The following NAV2 variants were observed in gnomAD, a reference collection of about 807,000 sequenced individuals.
The protein encoded by NAV2 is neuron navigator 2, also known as helicase, APC down-regulated 1.
In NAV2, 54 loss-of-function variants were observed where a neutral mutation model predicts 223.2. That is an observed-to-expected ratio of 0.24 (90% CI 0.19 to 0.30). The LOEUF is 0.30. NAV2 is among the 10% of genes least tolerant of loss of function. The probability of loss-of-function intolerance (pLI) is 1.00; values close to 1 mark genes in which losing one functional copy is unlikely to be tolerated. For synonymous variants in NAV2, 1,279 were observed against 1,239.3 expected, an observed-to-expected ratio of 1.03 and a Z score of -0.67; for missense variants, 2,806 against 3,147.5, an observed-to-expected ratio of 0.89 and a Z score of 2.60.
intron 3 of NAV2, among the ~76,000 whole-genome samples, chr11:19,849,945 G>A (rs557546537): frequency 1.3e-5 from 2 of 152,190 alleles, no homozygotes; most frequent in East Asian, 3.9e-4. Context: ...AACTGTCATT[G>A]CCTTCCCATT....
intron 1 of NAV2, among the ~76,000 whole-genome samples, chr11:19,418,991 G>A (rs1039762226): frequency 6.6e-6 from 1 of 152,106 alleles, no homozygotes; most frequent in Non-Finnish European, 1.5e-5. Flanking sequence ...GAGGAGGCAA[G>A]GATAACAGTA....
chr11:19,617,441 G>C (rs988707725), intron 1 of NAV2, among the ~76,000 whole-genome samples: 7 of 152,128 alleles, frequency 4.6e-5, no homozygotes, highest in Admixed American at 2.6e-4. Flanking sequence ...GTAATGGGGG[G>C]ATAACAGGCT....
At chr11:19,345,242 G>C in the NAV2 span, among the ~76,000 whole-genome samples, 1 of 152,238 alleles carries the variant, frequency 6.6e-6, no homozygotes, top group African/African-American at 2.4e-5. This position sits in a 1 kb window ranked among gnomAD's most constrained non-coding sequence, Gnocchi z 5.2. Context: ...CCGCGGCTGA[G>C]AAGCGCGGGC....
intron 1 of NAV2, among the ~76,000 whole-genome samples, chr11:19,524,406 C>T (rs756314374): frequency 7.2e-5 from 11 of 152,198 alleles, no homozygotes; most frequent in East Asian, 1.9e-4. Flanking sequence ...TCTGCATGTG[C>T]GTTTCGTGCC....
At chr11:19,625,035 C>A (rs1047202396) in intron 1 of NAV2, among the ~76,000 whole-genome samples, 8 of 152,192 alleles carry the variant, frequency 5.3e-5, no homozygotes, top group Admixed American at 2.0e-4. Flanking sequence ...GCATATTCAT[C>A]ATCTCAAACA....
chr11:19,614,424 A>T (rs934694864), intron 1 of NAV2, among the ~76,000 whole-genome samples: 3 of 151,998 alleles, frequency 2.0e-5, no homozygotes, highest in Non-Finnish European at 4.4e-5. Flanking sequence ...TTAATTAATA[A>T]ATTTTATTGT....
At position 19,934,058 on chromosome 11, in the gene NAV2, T is replaced by C. The variant is rs376520794; in HGVS notation, c.1814T>C (p.Leu605Pro). 1 of 1,605,886 alleles carries C rather than the reference T, an allele frequency of 6.2e-7. No homozygotes were observed. ...GGACTCCCCCAGCAGAAGCCCCAGC[T>C]GGACGGCAGACACTCCAGTTCCTCT... ...SSGLPQQKPQ[L>P]DGRHSSSSSS... Residue 605 changes from leucine (L) to proline (P), a missense_variant, in exon 7 of 38, where the codon CTG becomes CCG. By Grantham distance (98) the Leu-to-Pro change is moderately conservative. Around this residue, in one of 4 missense-constraint regions of NAV2, gnomAD observed 1,167 missense variants for 1,180.5 expected, o/e 0.99. Coordinates refer to ENST00000349880, the MANE Select transcript of NAV2 (RefSeq NM_145117.5).
intron 1 of NAV2, among the ~76,000 whole-genome samples, chr11:19,629,231 C>G (rs1291020169): frequency 6.6e-6 from 1 of 152,066 alleles, no homozygotes; most frequent in South Asian, 2.1e-4. Context: ...ACCCATCAAG[C>G]CTCTGGAACT....
chr11:19,671,804 G>A (rs1006137108), intron 1 of NAV2, among the ~76,000 whole-genome samples: 1 of 152,180 alleles, frequency 6.6e-6, no homozygotes, highest in Non-Finnish European at 1.5e-5. Flanking sequence ...AACAGGCCAA[G>A]GGCCAGATCT....
chr11:20,108,311 G>A (rs1237318260), intron 36 of NAV2, among the ~76,000 whole-genome samples: 2 of 152,174 alleles, frequency 1.3e-5, no homozygotes, highest in East Asian at 3.9e-4. Context: ...TGCCTTCTGG[G>A]TCAAATTCCA....
At chr11:19,884,839 G>C (rs759218550) in intron 5 of NAV2, among the ~76,000 whole-genome samples, 40 of 152,160 alleles carry the variant, frequency 2.6e-4, no homozygotes, top group Middle Eastern at 6.8e-3. Context: ...TTTCCCTTGA[G>C]TTATAAAGAC....
At chr11:19,905,671 G>A (rs929201527) in intron 6 of NAV2, among the ~76,000 whole-genome samples, 2 of 152,144 alleles carry the variant, frequency 1.3e-5, no homozygotes, top group Admixed American at 6.5e-5. Flanking sequence ...CATCTGGCTT[G>A]GAGTGAAAAC....
intron 10 of NAV2, among the ~76,000 whole-genome samples, chr11:19,967,869 A>G (rs1015663376): frequency 6.6e-6 from 1 of 152,190 alleles, no homozygotes; most frequent in Admixed American, 6.5e-5. Flanking sequence ...TGGGTATTGT[A>G]TTCTGGAGAT....
chr11:20,059,263 C>A (rs775436157), intron 19 of NAV2, among the ~76,000 whole-genome samples: 1 of 152,144 alleles, frequency 6.6e-6, no homozygotes, highest in Non-Finnish European at 1.5e-5. Context: ...ATGCCTAGAT[C>A]CACATTCTCT....
chr11:19,717,699 G>A (rs2050413781), intron 1 of NAV2, among the ~76,000 whole-genome samples: 1 of 152,216 alleles, frequency 6.6e-6, no homozygotes, highest in Non-Finnish European at 1.5e-5. Context: ...TGAATGTGCA[G>A]GGTAGTTGTG....
At position 19,484,398 on chromosome 11, in the gene NAV2, G is replaced by A. The variant is rs375914509; in HGVS notation, c.75+133371G>A. Among the ~76,000 whole-genome samples, 196 of 152,312 alleles carry A rather than the reference G, an allele frequency of 1.3e-3. 3 individuals are homozygous for A. The highest frequency in any genetic ancestry group is 4.4e-3 in the African/African-American group (182 of 41,568). On this transcript the variant is annotated intron_variant, in intron 1 of 37. Coordinates refer to the NAV2 transcript ENST00000360655. ...ATTCCAAAGCTCTGGCTGTTAGAAA[G>A]CATCTCTTCTTAGGAATCATATATT...
At position 20,077,968 on chromosome 11, in the gene NAV2, A is replaced by G. The variant is rs755805528; in HGVS notation, c.5068-25A>G. The G allele has an allele frequency of 1.4e-5, 22 of 1,569,776 alleles. 1 individual carries two copies. The South Asian group carries it at 2.0e-4, about 14-fold the overall frequency. ...CTCTGTACAGAATGATTTTAGGCTG[A>G]CCAATAATTTTTTCTGTTCCCTAGG... On this transcript the variant is annotated intron_variant, in intron 23 of 37. Transcript: ENST00000349880.
chr11:19,453,291 G>A (rs746946702), intron 1 of NAV2, among the ~76,000 whole-genome samples: 2 of 152,138 alleles, frequency 1.3e-5, no homozygotes, highest in African/African-American at 4.8e-5. Flanking sequence ...GTACAAATGA[G>A]GCAAAGCAAA....
At chr11:19,530,950 G>A (rs893134001) in intron 1 of NAV2, among the ~76,000 whole-genome samples, 5 of 152,180 alleles carry the variant, frequency 3.3e-5, no homozygotes, top group Non-Finnish European at 5.9e-5. Context: ...GCATTATCCT[G>A]TGAAAACTGA....
Sources: allele counts gnomAD v4.1 joint callset (sites outside exome capture counted in the v4.1 genomes callset), GRCh38; gene constraint gnomAD v4.1.1; regional missense constraint gnomAD v4.1.1; non-coding constraint Gnocchi (gnomAD v3.1); transcripts MANE v1.5; gene names NCBI Gene and HGNC (gene_info 2026-07-23, HGNC 2026-07-21).